The following THSD7B variants were observed in gnomAD, a reference collection of about 807,000 sequenced individuals.
THSD7B encodes thrombospondin type-1 domain-containing protein 7B.
A neutral mutation model predicts 213.6 loss-of-function variants in THSD7B; 138 were observed. That is an observed-to-expected ratio of 0.65 (90% CI 0.56 to 0.74). The LOEUF (loss-of-function observed/expected upper bound fraction) is 0.74. Ranked by LOEUF, THSD7B falls within the 30% of genes least tolerant of loss-of-function variation. The probability of loss-of-function intolerance (pLI) is 0.00; values close to 1 mark genes in which losing one functional copy is unlikely to be tolerated. For synonymous variants in THSD7B, 742 were observed against 687.0 expected, an observed-to-expected ratio of 1.08 and a Z score of -1.25; for missense variants, 1,931 against 1,991.5, an observed-to-expected ratio of 0.97 and a Z score of 0.58.
chr2:136,860,137 C>A (rs1274153943), intron 1 of THSD7B, among the ~76,000 whole-genome samples: 5 of 151,208 alleles, frequency 3.3e-5, no homozygotes, highest in South Asian at 2.1e-4. Flanking sequence ...CCTGCCTCAG[C>A]CTCCCGAGTA....
intron 10 of THSD7B, among the ~76,000 whole-genome samples, chr2:137,263,949 T>C (rs1004982597): frequency 6.6e-6 from 1 of 152,238 alleles, no homozygotes; most frequent in Admixed American, 6.5e-5. Context: ...AAGTTCATAT[T>C]ATCATTTCTG....
intron 7 of THSD7B, 62 bp downstream of exon 7, chr2:137,171,000 C>T: frequency 6.6e-7 from 1 of 1,516,692 alleles, no homozygotes; most frequent in Non-Finnish European, 9.1e-7. Flanking sequence ...TAACACATGA[C>T]CACCCTTCAA....
chr2:137,466,100 G>A (rs768907290), intron 15 of THSD7B, among the ~76,000 whole-genome samples: 1 of 152,118 alleles, frequency 6.6e-6, no homozygotes, highest in Admixed American at 6.6e-5. Flanking sequence ...TGGGTAAAAT[G>A]ATATAAGTTT....
At chr2:137,126,544 G>A (rs1378740579) in intron 5 of THSD7B, among the ~76,000 whole-genome samples, 1 of 148,968 alleles carries the variant, frequency 6.7e-6, no homozygotes, top group Admixed American at 6.9e-5. Context: ...TTTTGCTTAA[G>A]GAAATGTTGT....
At chr2:136,945,260 G>C (rs1193533076) in intron 2 of THSD7B, among the ~76,000 whole-genome samples, 1 of 152,148 alleles carries the variant, frequency 6.6e-6, no homozygotes, top group Non-Finnish European at 1.5e-5. Context: ...TCTTCCACTT[G>C]ATGGAATTGG....
intron 14 of THSD7B, among the ~76,000 whole-genome samples, chr2:137,417,215 G>T (rs1181005287): frequency 2.0e-5 from 3 of 152,118 alleles, no homozygotes; most frequent in African/African-American, 7.2e-5. Context: ...CTGGAAAAGT[G>T]AATTTAATAT....
chr2:137,046,528 G>A (rs942352358), intron 2 of THSD7B, among the ~76,000 whole-genome samples: 3 of 151,954 alleles, frequency 2.0e-5, no homozygotes, highest in Admixed American at 6.6e-5. Flanking sequence ...TCGGGAGTTC[G>A]AGAGCAGCCT....
intron 15 of THSD7B, among the ~76,000 whole-genome samples, chr2:137,547,891 G>A (rs1327212926): frequency 6.6e-6 from 1 of 152,044 alleles, no homozygotes; most frequent in African/African-American, 2.4e-5. Flanking sequence ...TGATAAGAAA[G>A]TCTTAAAAAG....
At chr2:136,937,332 C>G (rs375898398) in intron 2 of THSD7B, among the ~76,000 whole-genome samples, 4 of 151,842 alleles carry the variant, frequency 2.6e-5, no homozygotes, top group African/African-American at 9.7e-5. Flanking sequence ...TCTGCTCCCC[C>G]GCCACCCGCT....
intron 3 of THSD7B, among the ~76,000 whole-genome samples, chr2:137,068,956 G>A (rs1289204012): frequency 6.6e-6 from 1 of 152,104 alleles, no homozygotes; most frequent in East Asian, 1.9e-4. Flanking sequence ...CCCTTTACTA[G>A]CTATCTCATT....
chr2:137,371,452 T>C (rs1282803456), intron 12 of THSD7B, among the ~76,000 whole-genome samples: 1 of 152,234 alleles, frequency 6.6e-6, no homozygotes, highest in Non-Finnish European at 1.5e-5. Flanking sequence ...AGCTGTGAGA[T>C]CTTTGTCCTC....
intron 6 of THSD7B, among the ~76,000 whole-genome samples, chr2:137,167,640 C>T (rs1193984621): frequency 5.9e-5 from 9 of 152,140 alleles, no homozygotes; most frequent in Non-Finnish European, 1.2e-4. Flanking sequence ...CTTTTCTCTC[C>T]CCAACCCACT....
intron 12 of THSD7B, among the ~76,000 whole-genome samples, chr2:137,330,031 T>C (rs189335650): frequency 1.3e-5 from 2 of 152,348 alleles, no homozygotes; most frequent in Non-Finnish European, 2.9e-5. Flanking sequence ...CTTAGGCTGT[T>C]GCTTCAGAGG....
At chr2:137,121,228 G>A (rs983232191) in intron 5 of THSD7B, among the ~76,000 whole-genome samples, 10 of 152,104 alleles carry the variant, frequency 6.6e-5, no homozygotes, top group African/African-American at 2.4e-4. Flanking sequence ...TTAGCTCAAG[G>A]TATAATGCAC....
chr2:137,656,547 T>C (rs1011981983), intron 22 of THSD7B, among the ~76,000 whole-genome samples: 7 of 152,240 alleles, frequency 4.6e-5, no homozygotes, highest in Non-Finnish European at 1.0e-4. Flanking sequence ...TTTCTAGATG[T>C]GACTACTACA....
intron 15 of THSD7B, among the ~76,000 whole-genome samples, chr2:137,471,254 C>A (rs1285626375): frequency 6.6e-6 from 1 of 152,068 alleles, no homozygotes; most frequent in Non-Finnish European, 1.5e-5. Flanking sequence ...ACATCAAAAG[C>A]CAGGCTCATC....
At chr2:137,412,676 C>A (rs941942993) in intron 14 of THSD7B, among the ~76,000 whole-genome samples, 21 of 129,450 alleles carry the variant, frequency 1.6e-4, no homozygotes, top group African/African-American at 5.6e-4. Flanking sequence ...TAGAATAAAA[C>A]TATAGGAAAA....
intron 15 of THSD7B, among the ~76,000 whole-genome samples, chr2:137,475,455 C>G (rs533049497): frequency 5.2e-4 from 79 of 152,186 alleles, no homozygotes; most frequent in African/African-American, 1.8e-3. Context: ...CTTTCTGTAT[C>G]CACTAACCAA....
In THSD7B at chr2:136,795,352, C is replaced by T. The variant is rs540354520; in HGVS notation, c.-36+29665C>T. The stretch of plus-strand genomic sequence containing the variant: ...TCGAGGCTTCCTTACGTTGCATCCA[C>T]CTGATGCTGACTCTCTTGCATTCCT... On this transcript the variant is annotated intron_variant, in intron 1 of 27. Coordinates refer to ENST00000409968, the MANE Select transcript of THSD7B (RefSeq NM_001316349.2). 3.3e-5 allele frequency among the ~76,000 whole-genome samples: 5 copies of T among 152,006 alleles called. No homozygotes were observed. The South Asian group carries it at 8.3e-4, about 25-fold the overall frequency.
Sources: allele counts gnomAD v4.1 joint callset (sites outside exome capture counted in the v4.1 genomes callset), GRCh38; gene constraint gnomAD v4.1.1; transcripts MANE v1.5; gene names NCBI Gene and HGNC (gene_info 2026-07-23, HGNC 2026-07-21).